The following TMC5 variants were observed in gnomAD, a reference collection of about 807,000 sequenced individuals.
The protein encoded by TMC5 is transmembrane channel like 5, also known as transmembrane channel-like protein 5.
In TMC5, 86 loss-of-function variants were observed where a neutral mutation model predicts 110.5. The observed-to-expected ratio is 0.78, with a 90% confidence interval of 0.65 to 0.93. The LOEUF (loss-of-function observed/expected upper bound fraction) is 0.93, where lower values mean the gene tolerates loss of function less well. TMC5 is among the 40% of genes least tolerant of loss of function. The pLI, the probability that TMC5 is intolerant of heterozygous loss-of-function variation, is 0.00. For synonymous variants in TMC5, 455 were observed against 439.5 expected, an observed-to-expected ratio of 1.04 and a Z score of -0.44; for missense variants, 1,144 against 1,222.8, an observed-to-expected ratio of 0.94 and a Z score of 0.96.
rs7189972 is a variant in TMC5, at chr16:19,478,686, G to T, written c.2170-745G>T. On this transcript the variant is annotated intron_variant, in intron 13 of 21. Coordinates refer to ENST00000542583, the MANE Select transcript of TMC5 (RefSeq NM_001261841.2). The stretch of plus-strand genomic sequence containing the variant: ...ACCATCCATCCATTTATTCATCCAC[G>T]TATTCATTCATGCATGCATCCATCT... 7.6e-4 allele frequency among the ~76,000 whole-genome samples: 116 copies of T among 151,640 alleles called. 1 individual carries two copies. Among genetic ancestry groups the T allele is most frequent in the South Asian group, 2.1e-3 (10 of 4,798 alleles).
upstream of TMC5, among the ~76,000 whole-genome samples, chr16:19,413,146 T>C (rs745957034): frequency 2.2e-4 from 33 of 152,250 alleles, no homozygotes; most frequent in Non-Finnish European, 4.7e-4. Context: ...CCGCTTCTCA[T>C]CTAGACAGTC....
rs559168244 is a variant in TMC5 at position 19,487,163 on chromosome 16, G to T, written c.2440-30G>T. 4.4e-6 allele frequency: 7 copies of T among 1,606,176 alleles called. No individual in the cohort carries two copies. In the South Asian group the frequency reaches 6.7e-5, roughly 15 times the overall value. On this transcript the variant is annotated intron_variant, in intron 16 of 21. Coordinates refer to ENST00000542583, the MANE Select transcript of TMC5 (RefSeq NM_001261841.2). ...TCCCTCTGCCGCTGCTCCGGCTGCA[G>T]ATGGGAGGTGGCTGCCTCTCTCTCT...
chr16:19,417,749 A>G (rs1208981454), upstream of TMC5: 1 of 152,216 alleles, frequency 6.6e-6, no homozygotes, highest in African/African-American at 2.4e-5. Context: ...GACAGAGGCC[A>G]TAGGTGCAGC....
At chr16:19,448,404 G>A (rs560632181) in intron 4 of TMC5, among the ~76,000 whole-genome samples, 53 of 151,638 alleles carry the variant, frequency 3.5e-4, no homozygotes, top group African/African-American at 1.2e-3. Flanking sequence ...TGTTTGAGCC[G>A]CCCAGAAGTT....
intron 1 of TMC5, among the ~76,000 whole-genome samples, chr16:19,423,264 G>T (rs185612396): frequency 1.3e-5 from 2 of 152,264 alleles, no homozygotes; most frequent in Admixed American, 6.5e-5. Flanking sequence ...TGCATTAGAG[G>T]ATGGTTAACA....
At chr16:19,480,879 T>C (rs980012963) in intron 14 of TMC5, among the ~76,000 whole-genome samples, 3 of 151,992 alleles carry the variant, frequency 2.0e-5, no homozygotes, top group Non-Finnish European at 2.9e-5. Flanking sequence ...AACTCATCTT[T>C]ATGAATAAAT....
At chr16:19,480,672 G>GT (rs1968595774) in intron 14 of TMC5, among the ~76,000 whole-genome samples, 1 of 151,906 alleles carries the variant, frequency 6.6e-6, no homozygotes, top group African/African-American at 2.4e-5. Context: ...GAGCATGGTG[G>GT]TGTGTGCCTA....
chr16:19,452,329 G>A (rs1352479518), intron 5 of TMC5, among the ~76,000 whole-genome samples: 1 of 152,160 alleles, frequency 6.6e-6, no homozygotes, highest in East Asian at 1.9e-4. Context: ...GAACCTCCCC[G>A]TCTTCAGCTA....
At chr16:19,471,958 A>G (rs1268369965) in intron 10 of TMC5, 130 bp from the exon 11 acceptor site, 3 of 867,646 alleles carry the variant, frequency 3.5e-6, no homozygotes, top group Admixed American at 4.5e-5. Context: ...GCGGGGTTTC[A>G]CCATGTTGTC....
At chr16:19,480,740 G>A (rs1968597000) in intron 14 of TMC5, among the ~76,000 whole-genome samples, 2 of 150,698 alleles carry the variant, frequency 1.3e-5, no homozygotes, top group African/African-American at 4.9e-5. Context: ...GGGAGATGGA[G>A]GTTGCAGTGA....
chr16:19,414,338 A>T (rs1173102215), upstream of TMC5, among the ~76,000 whole-genome samples: 1 of 152,130 alleles, frequency 6.6e-6, no homozygotes, highest in Admixed American at 6.5e-5. Flanking sequence ...CCAATTACTA[A>T]CACAATACTC....
chr16:19,458,079 C>T (rs992621675), intron 5 of TMC5, among the ~76,000 whole-genome samples: 3 of 152,010 alleles, frequency 2.0e-5, no homozygotes, highest in African/African-American at 7.2e-5. Flanking sequence ...CTAATTCCTC[C>T]TCACCCTGGT....
At chr16:19,479,578 A>T (rs1264330712) in intron 14 of TMC5, 50 bp downstream of exon 14, 2 of 1,341,350 alleles carry the variant, frequency 1.5e-6, no homozygotes. Context: ...TGTAAACAGA[A>T]CCTGATTCCT....
chr16:19,440,968 C>T (rs778603135), intron 3 of TMC5, 142 bp downstream of exon 3: 1 of 808,732 alleles, frequency 1.2e-6, no homozygotes, highest in Non-Finnish European at 1.9e-6. Flanking sequence ...AATGCGCATA[C>T]CTATCTGTAG....
chr16:19,427,199 A>G (rs1053083031), intron 1 of TMC5, among the ~76,000 whole-genome samples: 9 of 152,198 alleles, frequency 5.9e-5, no homozygotes, highest in African/African-American at 2.2e-4. Flanking sequence ...CACACCTGTA[A>G]TCCCAGCACT....
chr16:19,455,122 A>C (rs1376894093), intron 5 of TMC5, among the ~76,000 whole-genome samples: 1 of 151,286 alleles, frequency 6.6e-6, no homozygotes, highest in Non-Finnish European at 1.5e-5. Context: ...GAAACAGAGC[A>C]AGACCTCATC....
intron 4 of TMC5, among the ~76,000 whole-genome samples, chr16:19,449,102 C>T (rs187415493): frequency 0.012 from 1,761 of 152,058 alleles, 41 homozygotes; most frequent in African/African-American, 0.039. Context: ...CCACCTGTCT[C>T]GGCCTCCCAA....
At chr16:19,451,161 G>A (rs1967740783) in intron 5 of TMC5, among the ~76,000 whole-genome samples, 1 of 152,068 alleles carries the variant, frequency 6.6e-6, no homozygotes, top group Non-Finnish European at 1.5e-5. Context: ...AACAAAAAAT[G>A]AAGCAACAGA....
At chr16:19,460,599 T>C (rs1466762153) in intron 6 of TMC5, among the ~76,000 whole-genome samples, 1 of 152,074 alleles carries the variant, frequency 6.6e-6, no homozygotes, top group Admixed American at 6.6e-5. Context: ...GGTGTAACTT[T>C]CCAGTGGAGA....
Sources: gnomAD v4.1 joint callset for allele counts (sites outside exome capture counted in the v4.1 genomes callset) on GRCh38, gnomAD v4.1.1 for gene constraint, MANE v1.5 for transcripts, NCBI Gene and HGNC (gene_info 2026-07-23, HGNC 2026-07-21) for gene names.